Variants in DOCK4 observed in about 807,000 individuals in gnomAD.
The protein encoded by DOCK4 is dedicator of cytokinesis 4.
In DOCK4, 97 loss-of-function variants were observed where a neutral mutation model predicts 268.1. The observed-to-expected ratio is 0.36, with a 90% confidence interval of 0.31 to 0.43. The LOEUF is 0.43. DOCK4 is among the 20% of genes least tolerant of loss of function. The pLI, the probability that DOCK4 is intolerant of heterozygous loss-of-function variation, is 1.00. For missense variants in DOCK4, 2,145 were observed against 2,455.7 expected (o/e 0.87, Z 2.67); for synonymous variants, 954 against 887.2 (o/e 1.08, Z -1.34).
chr7:112,108,122 G>A (rs1038258839), intron 1 of DOCK4, among the ~76,000 whole-genome samples: 1 of 152,158 alleles, frequency 6.6e-6, no homozygotes, highest in Middle Eastern at 3.2e-3. Flanking sequence ...TATTATAAGA[G>A]CCTAAGATTA....
intron 12 of DOCK4, among the ~76,000 whole-genome samples, chr7:111,931,958 C>T (rs1586411569): frequency 6.6e-6 from 1 of 152,144 alleles, no homozygotes; most frequent in Non-Finnish European, 1.5e-5. Flanking sequence ...AGAGATGACT[C>T]CTGTCTGTAA....
chr7:112,054,929 T>C (rs1805681857), intron 1 of DOCK4, among the ~76,000 whole-genome samples: 1 of 152,302 alleles, frequency 6.6e-6, no homozygotes, highest in Non-Finnish European at 1.5e-5. Context: ...GGAAGCAAAG[T>C]AAATAAAGGT....
At chr7:111,999,578 G>A (rs1021642277) in intron 3 of DOCK4, among the ~76,000 whole-genome samples, 1 of 151,970 alleles carries the variant, frequency 6.6e-6, no homozygotes, top group African/African-American at 2.4e-5. Flanking sequence ...AATGTTAAAT[G>A]AGGAGTAAAG....
chr7:112,021,345 C>T (rs1586659164), intron 1 of DOCK4, among the ~76,000 whole-genome samples: 1 of 152,152 alleles, frequency 6.6e-6, no homozygotes, highest in Non-Finnish European at 1.5e-5. Context: ...GACTAGGTAT[C>T]TGTTCTCAAA....
At chr7:111,814,182 G>A (rs904206538) in intron 27 of DOCK4, among the ~76,000 whole-genome samples, 3 of 152,176 alleles carry the variant, frequency 2.0e-5, no homozygotes, top group Admixed American at 2.0e-4. Context: ...GGAGAGAGAA[G>A]TTATTCCATG....
intron 30 of DOCK4, among the ~76,000 whole-genome samples, chr7:111,807,004 C>T (rs1369285932): frequency 6.6e-6 from 1 of 152,184 alleles, no homozygotes; most frequent in East Asian, 1.9e-4. Flanking sequence ...TTACATGTGA[C>T]AGCTTTATTT....
At chr7:111,847,843 G>A (rs1804238052) in intron 23 of DOCK4, among the ~76,000 whole-genome samples, 1 of 152,066 alleles carries the variant, frequency 6.6e-6, no homozygotes, top group Non-Finnish European at 1.5e-5. Flanking sequence ...CACGAAAATG[G>A]ACTAATACAC....
chr7:111,787,822 GCAAA>G (rs912098839), intron 32 of DOCK4, among the ~76,000 whole-genome samples: 5 of 152,132 alleles, frequency 3.3e-5, no homozygotes, highest in African/African-American at 1.2e-4. Context: ...TGAAAGAACT[GCAAA>G]CATTTTTCAA....
At chr7:111,994,998 T>A (rs182342466) in intron 4 of DOCK4, among the ~76,000 whole-genome samples, 1 of 151,752 alleles carries the variant, frequency 6.6e-6, no homozygotes, top group Non-Finnish European at 1.5e-5. Flanking sequence ...GTTGAGAATA[T>A]GCATGAGGAG....
intron 8 of DOCK4, among the ~76,000 whole-genome samples, chr7:111,948,950 A>G (rs1241569667): frequency 1.3e-5 from 2 of 152,164 alleles, no homozygotes; most frequent in Non-Finnish European, 1.5e-5. Context: ...ATTTTATTAA[A>G]CAAACACAAA....
At chr7:112,123,424 A>G (rs970890) in intron 1 of DOCK4, among the ~76,000 whole-genome samples, 55,142 of 152,066 alleles carry the variant, frequency 0.36, 11,980 homozygotes, top group South Asian at 0.52. Flanking sequence ...TATATCACAA[A>G]AAAGTAACAT....
rs1814896076 is a variant in DOCK4 at position 112,141,206 on chromosome 7, G to GA, written c.37+64895dup. 2.0e-5 allele frequency among the ~76,000 whole-genome samples: 3 copies of GA among 152,178 alleles called. No homozygotes were observed. In the South Asian group the frequency reaches 6.2e-4, roughly 32 times the overall value. On this transcript the variant is annotated intron_variant, in intron 1 of 52. Coordinates refer to ENST00000428084, the MANE Select transcript of DOCK4 (RefSeq NM_001363540.2). ...CAAGCTTTTTATATTAAACCCCTCT[G>GA]AAAAATCCTCAATCCCGAATCCCAC...
At chr7:111,924,128 T>A (rs1454414084) in intron 12 of DOCK4, among the ~76,000 whole-genome samples, 1 of 152,226 alleles carries the variant, frequency 6.6e-6, no homozygotes, top group Non-Finnish European at 1.5e-5. Flanking sequence ...ATTAGAAATC[T>A]CTTTTGCTAC....
chr7:111,974,864 G>A (rs957338706), intron 8 of DOCK4, among the ~76,000 whole-genome samples: 1 of 152,342 alleles, frequency 6.6e-6, no homozygotes, highest in Admixed American at 6.5e-5. Context: ...ATTTGAAAAT[G>A]TTTATAATGA....
At chr7:111,780,854 G>T (rs989827193) in intron 35 of DOCK4, among the ~76,000 whole-genome samples, 1 of 152,170 alleles carries the variant, frequency 6.6e-6, no homozygotes, top group African/African-American at 2.4e-5. Flanking sequence ...TGATAGATTT[G>T]CTTCTTTAAT....
intron 39 of DOCK4, among the ~76,000 whole-genome samples, chr7:111,761,030 C>T (rs1391607527): frequency 2.0e-5 from 3 of 151,478 alleles, no homozygotes. Flanking sequence ...TACAACACCC[C>T]ATTTTATAAT....
At chr7:111,876,919 A>G in intron 17 of DOCK4, 111 bp downstream of exon 17, 1 of 1,040,610 alleles carries the variant, frequency 9.6e-7, no homozygotes, top group Non-Finnish European at 1.2e-6. Context: ...TGGAAGGATC[A>G]ATAATTTTTC....
chr7:112,190,406 GAC>G (rs748134617), intron 1 of DOCK4, among the ~76,000 whole-genome samples: 1 of 152,168 alleles, frequency 6.6e-6, no homozygotes, highest in Non-Finnish European at 1.5e-5. Flanking sequence ...GAAAGAGACA[GAC>G]ACTCTCAAAG....
In DOCK4 at chr7:111,804,211, GAATA is replaced by G. The variant is rs565375992; in HGVS notation, c.3166+4606_3166+4609del. Among the ~76,000 whole-genome samples the G allele has an allele frequency of 4.6e-5, 7 of 152,256 alleles. No individual in the cohort carries two copies. The South Asian group carries it at 8.3e-4, about 18-fold the overall frequency. On this transcript the variant is annotated intron_variant, in intron 30 of 52. Transcript: ENST00000428084. ...CCCAAATGTCCACTGAGGAATGAAT[GAATA>G]AAGAAAATGTGGTATATCCATACGA...
Sources: gnomAD v4.1 joint callset for allele counts (sites outside exome capture counted in the v4.1 genomes callset) on GRCh38, gnomAD v4.1.1 for gene constraint, MANE v1.5 for transcripts, NCBI Gene and HGNC (gene_info 2026-07-23, HGNC 2026-07-21) for gene names.